Variants in IQANK1 observed in about 807,000 individuals in gnomAD.
The protein encoded by IQANK1 is IQ motif and ankyrin repeat domain-containing protein 1.
IQANK1 carries 30 observed loss-of-function variants against 22.6 expected under a neutral mutation model. The ratio of observed to expected loss-of-function variants is 1.33; its 90% CI spans 0.99 to 1.80. IQANK1 has a LOEUF of 1.80. Ranked by LOEUF, IQANK1 falls within the 40% of genes most tolerant of loss-of-function variation. The pLI is 0.00. For synonymous variants in IQANK1, 122 were observed against 99.6 expected (o/e 1.23, Z -1.34); for missense variants, 275 against 235.2 (o/e 1.17, Z -1.11).
chr8:143,786,721 G>A (rs1042829338), intron 7 of IQANK1, among the ~76,000 whole-genome samples: 2 of 152,184 alleles, frequency 1.3e-5, no homozygotes, highest in African/African-American at 4.8e-5. Flanking sequence ...CTACCAGGGC[G>A]GGCAGGGCTG....
chr8:143,786,704 T>C (rs769897422), intron 7 of IQANK1, among the ~76,000 whole-genome samples: 37 of 152,270 alleles, frequency 2.4e-4, no homozygotes, highest in Non-Finnish European at 4.4e-4. Context: ...GCAGTGGAGA[T>C]GCCAGGCTAC....
chr8:143,789,432 C>G lies in IQANK1; in HGVS notation c.994-4C>G. 8.2e-7 allele frequency: 1 copy of G among 1,226,014 alleles called. No individual in the cohort carries two copies. Among genetic ancestry groups the G allele is most frequent in the Non-Finnish European group, 1.0e-6 (1 of 982,410 alleles). The allele number at this position is 1,226,014 out of a possible 1,614,324, so 75.9% of individuals were successfully genotyped here. ...TGCCAGGGCCTGCCCGTACGCCCAC[C>G]CAGCTGCAACAGGCCTACTGTGAGC... is the stretch of plus-strand genomic sequence containing the variant. On this transcript the variant is annotated splice_polypyrimidine_tract_variant and splice_region_variant and intron_variant, in intron 9 of 13. Transcript: ENST00000527139.
intron 7 of IQANK1, among the ~76,000 whole-genome samples, chr8:143,773,482 A>G (rs1316165294): frequency 6.6e-6 from 1 of 152,064 alleles, no homozygotes; most frequent in Non-Finnish European, 1.5e-5. Context: ...TTTCATTTAA[A>G]TCAACTTAAT....
At chr8:143,734,383 C>T (rs1364509261) in intron 1 of IQANK1, among the ~76,000 whole-genome samples, 164 bp downstream of exon 1, 1 of 151,220 alleles carries the variant, frequency 6.6e-6, no homozygotes, top group Non-Finnish European at 1.5e-5. Flanking sequence ...CAACCCCCAC[C>T]ACACACACTG....
chr8:143,763,015 C>T (rs920829947), intron 3 of IQANK1, among the ~76,000 whole-genome samples: 44 of 146,602 alleles, frequency 3.0e-4, no homozygotes, highest in Non-Finnish European at 6.3e-4. Flanking sequence ...CCTTTCTTTT[C>T]CTTTTCTTTT....
intron 7 of IQANK1, among the ~76,000 whole-genome samples, chr8:143,787,966 T>C (rs1203980506): frequency 6.6e-6 from 1 of 151,962 alleles, no homozygotes; most frequent in Non-Finnish European, 1.5e-5. Context: ...CTGCTCTTCT[T>C]CTCCCAGGCC....
chr8:143,775,263 A>T (rs1819660195), intron 7 of IQANK1, among the ~76,000 whole-genome samples: 1 of 151,960 alleles, frequency 6.6e-6, no homozygotes, highest in Non-Finnish European at 1.5e-5. Context: ...TGGGAACTCT[A>T]CTATTTTTGT....
intron 3 of IQANK1, among the ~76,000 whole-genome samples, chr8:143,768,144 A>C (rs1220640324): frequency 1.3e-5 from 2 of 151,540 alleles, no homozygotes; most frequent in Non-Finnish European, 2.9e-5. Flanking sequence ...CGGACTCCCA[A>C]AGTGCTGGGG....
chr8:143,788,834 A>G (rs1819947161), intron 7 of IQANK1, 81 bp from the exon 8 acceptor site: 1 of 398,474 alleles, frequency 2.5e-6, no homozygotes, highest in South Asian at 1.3e-4. Context: ...TTTCTCCCAG[A>G]TGGGAGAGCA....
chr8:143,748,577 TATAA>T (rs1194812852), intron 3 of IQANK1, among the ~76,000 whole-genome samples: 52 of 134,094 alleles, frequency 3.9e-4, no homozygotes, highest in African/African-American at 1.1e-3. Context: ...ATATATAATA[TATAA>T]ATATAGATAT....
intron 3 of IQANK1, among the ~76,000 whole-genome samples, chr8:143,761,113 C>T (rs1353675037): frequency 6.6e-6 from 1 of 152,212 alleles, no homozygotes; most frequent in Non-Finnish European, 1.5e-5. Flanking sequence ...AGCGGAGACT[C>T]CTGGGGCGCA....
At position 143,771,649 on chromosome 8, in the gene IQANK1, C is replaced by T; in HGVS notation, c.306+31C>T. On this transcript the variant is annotated intron_variant, in intron 4 of 13. Transcript: ENST00000527139. The surrounding 1 kb of genome is among the most constrained non-coding windows in gnomAD (Gnocchi z 6.0). ...GACGGGCAGCCGCAACAGCCGGGGG[C>T]CAGGCAGGAGGCAGGGGGAGGAAAT... The T allele has an allele frequency of 2.5e-6, 1 of 399,670 alleles. No individual in the cohort carries two copies. The highest frequency in any genetic ancestry group is 4.4e-6 in the Non-Finnish European group (1 of 227,098). The allele number at this position is 399,670 out of a possible 1,614,324, so 24.8% of individuals were successfully genotyped here. A position where few individuals can be genotyped will look rare whatever the true frequency, so the allele number is the denominator to read the frequency against.
intron 7 of IQANK1, among the ~76,000 whole-genome samples, chr8:143,778,132 T>C (rs1038487889): frequency 6.6e-6 from 1 of 151,868 alleles, no homozygotes; most frequent in South Asian, 2.1e-4. Context: ...GAGGCGGAGC[T>C]TGCAGTGAGC....
intron 3 of IQANK1, among the ~76,000 whole-genome samples, chr8:143,769,066 T>A (rs1191084558): frequency 2.0e-5 from 3 of 152,010 alleles, no homozygotes; most frequent in Admixed American, 1.3e-4. Context: ...AATATAAAAA[T>A]ATATATATTT....
intron 2 of IQANK1, among the ~76,000 whole-genome samples, chr8:143,737,086 C>T (rs1818759644): frequency 6.6e-6 from 1 of 152,186 alleles, no homozygotes; most frequent in Non-Finnish European, 1.5e-5. Flanking sequence ...ATCCTAGTTC[C>T]CCAAAATAGC....
intron 2 of IQANK1, 145 bp downstream of exon 2, chr8:143,736,083 T>C: frequency 1.6e-6 from 1 of 613,884 alleles, no homozygotes; most frequent in South Asian, 1.9e-5. Flanking sequence ...TGGGATTAGG[T>C]GTGATTGACT....
chr8:143,789,135 TGCTGGTGGGGGC>T (rs1175150813), intron 8 of IQANK1, 42 bp from the exon 9 acceptor site: 98 of 400,836 alleles, frequency 2.4e-4, no homozygotes, highest in African/African-American at 2.0e-3. Flanking sequence ...GGGCAGGGGG[TGCTGGTGGGGGC>T]GCTGGCGGAA....
intron 7 of IQANK1, among the ~76,000 whole-genome samples, chr8:143,786,004 C>T (rs534015364): frequency 2.0e-5 from 3 of 152,240 alleles, no homozygotes; most frequent in Non-Finnish European, 4.4e-5. Flanking sequence ...AGATCACAGG[C>T]GTCAGCCACC....
At chr8:143,756,870 T>A (rs1164677856) in intron 3 of IQANK1, among the ~76,000 whole-genome samples, 1 of 151,044 alleles carries the variant, frequency 6.6e-6, no homozygotes, top group Admixed American at 6.6e-5. Context: ...CCTAGCCACT[T>A]GGGAGGCTGA....
Sources: allele counts gnomAD v4.1 joint callset (sites outside exome capture counted in the v4.1 genomes callset), GRCh38; gene constraint gnomAD v4.1.1; non-coding constraint Gnocchi (gnomAD v3.1); transcripts MANE v1.5; gene names NCBI Gene and HGNC (gene_info 2026-07-23, HGNC 2026-07-21).